TTC28: variants seen among roughly 807,000 people sequenced by gnomAD.
TTC28 encodes the protein tetratricopeptide repeat protein 28.
TTC28 carries 61 observed loss-of-function variants against 198.0 expected under a neutral mutation model. The ratio of observed to expected loss-of-function variants is 0.31; its 90% CI spans 0.25 to 0.38. The LOEUF is 0.38. TTC28 is among the 10% of genes least tolerant of loss of function. The pLI, the probability that TTC28 is intolerant of heterozygous loss-of-function variation, is 1.00. For synonymous variants in TTC28, 1,171 were observed against 1,297.8 expected (o/e 0.90, Z 2.10); for missense variants, 2,678 against 3,164.0 (o/e 0.85, Z 3.69).
intron 12 of TTC28, among the ~76,000 whole-genome samples, chr22:28,077,638 A>G (rs1941211741): frequency 6.6e-6 from 1 of 152,244 alleles, no homozygotes; most frequent in African/African-American, 2.4e-5. Flanking sequence ...TCAGCATTAT[A>G]AACAAGTGTA....
rs56113837 is a variant in TTC28, at chr22:28,315,098, A to G, written c.382-8455T>C. On this transcript the variant is annotated intron_variant, in intron 2 of 22. Transcript: ENST00000397906. ...TCCCCAGACAAGTTAGATCAGATAA[A>G]CACAATCATTTGAAGATAAAGTTTG... is the stretch of plus-strand genomic sequence containing the variant. 8.1e-3 allele frequency among the ~76,000 whole-genome samples: 1,241 copies of G among 152,290 alleles called. 21 individuals carry two copies. The highest frequency in any genetic ancestry group is 0.028 in the African/African-American group (1,183 of 41,554).
At chr22:28,053,247 A>G (rs1940154425) in intron 12 of TTC28, among the ~76,000 whole-genome samples, 1 of 152,226 alleles carries the variant, frequency 6.6e-6, no homozygotes, top group Non-Finnish European at 1.5e-5. Context: ...AGGATGGCCT[A>G]TTGTCTCCCA....
intron 5 of TTC28, among the ~76,000 whole-genome samples, chr22:28,191,475 C>T (rs542987393): frequency 1.1e-4 from 16 of 152,290 alleles, no homozygotes; most frequent in East Asian, 7.7e-4. Flanking sequence ...CGAGCGTAAG[C>T]GGAGGCAGGG....
At chr22:28,538,404 T>C (rs1196568835) in intron 2 of TTC28, among the ~76,000 whole-genome samples, 2 of 151,784 alleles carry the variant, frequency 1.3e-5, no homozygotes, top group Non-Finnish European at 2.9e-5. Context: ...TATATCTTTA[T>C]ATGGATAGAC....
intron 5 of TTC28, among the ~76,000 whole-genome samples, chr22:28,182,469 A>G (rs921794573): frequency 6.6e-6 from 1 of 152,224 alleles, no homozygotes; most frequent in African/African-American, 2.4e-5. Flanking sequence ...ACACACATGT[A>G]CAAGTGCACA....
chr22:28,419,131 A>G (rs1403895661), intron 2 of TTC28, among the ~76,000 whole-genome samples: 1 of 152,128 alleles, frequency 6.6e-6, no homozygotes, highest in East Asian at 1.9e-4. Flanking sequence ...GAGCCAAAGA[A>G]CCCCTATTAC....
rs2049241261 is a variant in TTC28 at position 28,535,222 on chromosome 22, C to G, written c.381+94330G>C. ...TTAGGCAACCATATAGCTTTTGTTT[C>G]ACTTATTTAATTTAAATCTAATTTA... On this transcript the variant is annotated intron_variant, in intron 2 of 22. Coordinates refer to ENST00000397906, the MANE Select transcript of TTC28 (RefSeq NM_001145418.2). 2.0e-5 allele frequency among the ~76,000 whole-genome samples: 3 copies of G among 152,078 alleles called. No homozygotes were observed. The South Asian group carries it at 6.2e-4, about 32-fold the overall frequency.
intron 12 of TTC28, among the ~76,000 whole-genome samples, chr22:28,063,280 C>T (rs1435020038): frequency 6.6e-6 from 1 of 152,160 alleles, no homozygotes; most frequent in African/African-American, 2.4e-5. Flanking sequence ...CCCTCATTTT[C>T]CAGAGGCTGT....
At chr22:28,411,774 T>G (rs930250437) in intron 2 of TTC28, among the ~76,000 whole-genome samples, 1 of 152,202 alleles carries the variant, frequency 6.6e-6, no homozygotes, top group Admixed American at 6.5e-5. Flanking sequence ...ATGTACTACC[T>G]GAATTATTCA....
At chr22:28,423,522 C>G (rs1359570724) in intron 2 of TTC28, among the ~76,000 whole-genome samples, 1 of 152,192 alleles carries the variant, frequency 6.6e-6, no homozygotes, top group Non-Finnish European at 1.5e-5. Context: ...CGTTTCAGCC[C>G]TCTATAGTTC....
chr22:28,322,432 A>T (rs978320954), intron 2 of TTC28, among the ~76,000 whole-genome samples: 4 of 152,208 alleles, frequency 2.6e-5, no homozygotes, highest in African/African-American at 9.7e-5. Flanking sequence ...ACAAATATAA[A>T]TTAACTACTT....
intron 5 of TTC28, among the ~76,000 whole-genome samples, chr22:28,221,034 G>A (rs1342651708): frequency 6.6e-6 from 1 of 152,174 alleles, no homozygotes; most frequent in Non-Finnish European, 1.5e-5. Context: ...TTGGTAGGTT[G>A]TATACAACTT....
At chr22:28,615,594 A>T (rs1031240929) in intron 2 of TTC28, among the ~76,000 whole-genome samples, 1 of 152,126 alleles carries the variant, frequency 6.6e-6, no homozygotes, top group African/African-American at 2.4e-5. Flanking sequence ...GCACATATAC[A>T]CCATGGAATA....
At chr22:28,463,352 T>C (rs565337792) in intron 2 of TTC28, among the ~76,000 whole-genome samples, 2 of 152,286 alleles carry the variant, frequency 1.3e-5, no homozygotes, top group Admixed American at 1.3e-4. Flanking sequence ...GAAGACAGTG[T>C]GGCGATTCCT....
intron 17 of TTC28, among the ~76,000 whole-genome samples, chr22:27,993,896 A>AC (rs1447041887): frequency 6.6e-6 from 1 of 151,850 alleles, no homozygotes; most frequent in Non-Finnish European, 1.5e-5. Flanking sequence ...CCCTTCAGGA[A>AC]CCCCCTCACT....
Position 28,035,192 on chromosome 22 carries a change from C to A in TTC28, c.3933-4826G>T, listed in dbSNP as rs537398996. On this transcript the variant is annotated intron_variant, in intron 12 of 22. Transcript: ENST00000397906. The stretch of plus-strand genomic sequence containing the variant: ...TCACTGTGTCTCCATTCCCCACCCC[C>A]CTCCAGGCTTCTTGTGCACTGATAA... 5.9e-5 allele frequency among the ~76,000 whole-genome samples: 9 copies of A among 152,262 alleles called. No homozygotes were observed. In the East Asian group the frequency reaches 7.7e-4, roughly 13 times the overall value.
At chr22:28,247,039 C>G (rs1223016531) in intron 5 of TTC28, among the ~76,000 whole-genome samples, 1 of 152,142 alleles carries the variant, frequency 6.6e-6, no homozygotes, top group Non-Finnish European at 1.5e-5. Context: ...CTGTCTGACC[C>G]TGGGCAGTTA....
intron 5 of TTC28, among the ~76,000 whole-genome samples, chr22:28,222,589 C>G (rs772256845): frequency 6.6e-6 from 1 of 152,188 alleles, no homozygotes; most frequent in Non-Finnish European, 1.5e-5. Flanking sequence ...CCAGCAATTA[C>G]TACTTCTGAG....
intron 5 of TTC28, among the ~76,000 whole-genome samples, chr22:28,168,355 C>T (rs995596969): frequency 4.6e-5 from 7 of 152,208 alleles, no homozygotes; most frequent in East Asian, 3.8e-4. Context: ...AAAGAGCCCG[C>T]ATTGCCAAGT....
Sources: allele counts gnomAD v4.1 joint callset (sites outside exome capture counted in the v4.1 genomes callset), GRCh38; gene constraint gnomAD v4.1.1; transcripts MANE v1.5; gene names NCBI Gene and HGNC (gene_info 2026-07-23, HGNC 2026-07-21).